The following CDH6 variants were observed in gnomAD, a reference collection of about 807,000 sequenced individuals.
CDH6 encodes the protein cadherin 6.
In CDH6, 31 loss-of-function variants were observed where a neutral mutation model predicts 78.0. That is an observed-to-expected ratio of 0.40 (90% CI 0.30 to 0.54). The LOEUF is 0.54. CDH6 is among the 20% of genes least tolerant of loss of function. The pLI is 0.56. For synonymous variants in CDH6, 376 were observed against 368.8 expected, an observed-to-expected ratio of 1.02 and a Z score of -0.23; for missense variants, 724 against 975.9, an observed-to-expected ratio of 0.74 and a Z score of 3.44.
intron 1 of CDH6, among the ~76,000 whole-genome samples, chr5:31,196,137 G>A (rs1236853519): frequency 6.6e-5 from 10 of 152,108 alleles, no homozygotes; most frequent in Admixed American, 5.2e-4. Context: ...ATCAAAAAAC[G>A]TGTACCCTAC....
intron 1 of CDH6, among the ~76,000 whole-genome samples, chr5:31,225,279 C>T (rs547707470): frequency 6.6e-6 from 1 of 152,294 alleles, no homozygotes; most frequent in South Asian, 2.1e-4. Flanking sequence ...ACTGCATCAA[C>T]GCAGAGGGCT....
At chr5:31,200,512 A>G (rs1326403633) in intron 1 of CDH6, among the ~76,000 whole-genome samples, 1 of 151,740 alleles carries the variant, frequency 6.6e-6, no homozygotes, top group Non-Finnish European at 1.5e-5. Flanking sequence ...CTTCATTACT[A>G]TCACAATTTG....
In CDH6 at chr5:31,325,942, G is replaced by A. The variant is rs561149436; in HGVS notation, c.*2634G>A. 8.6e-6 allele frequency: 2 copies of A among 232,272 alleles called. No homozygotes were observed. The highest frequency in any genetic ancestry group is 3.6e-4 in the South Asian group (2 of 5,514). The allele number at this position is 232,272 out of a possible 1,614,324, so 14.4% of individuals were successfully genotyped here. A position where few individuals can be genotyped will look rare whatever the true frequency, so the allele number is the denominator to read the frequency against. On this transcript the variant is annotated 3_prime_UTR_variant, in exon 12 of 12. Coordinates refer to ENST00000265071, the MANE Select transcript of CDH6 (RefSeq NM_004932.4). ...CATCGTGGAACCAATAAGAGTCATAGTTCCATCATTCTCCAGCTTCGTCTC... is the reference window on the plus strand; with the variant it reads ...CATCGTGGAACCAATAAGAGTCATAATTCCATCATTCTCCAGCTTCGTCTC...
intron 1 of CDH6, among the ~76,000 whole-genome samples, chr5:31,205,504 C>A (rs545830360): frequency 6.6e-6 from 1 of 152,316 alleles, no homozygotes; most frequent in South Asian, 2.1e-4. Context: ...CCTTCCTAAG[C>A]AGATTAGCAG....
At chr5:31,267,889 G>A (rs372957686) in intron 2 of CDH6, among the ~76,000 whole-genome samples, 188 bp downstream of exon 2, 12 of 151,932 alleles carry the variant, frequency 7.9e-5, no homozygotes, top group East Asian at 7.7e-4. Context: ...AGAAATGTTA[G>A]CCCTGCAACA....
chr5:31,301,252 G>A (rs1737756021), intron 5 of CDH6, among the ~76,000 whole-genome samples: 2 of 152,190 alleles, frequency 1.3e-5, no homozygotes, highest in Non-Finnish European at 2.9e-5. Flanking sequence ...TTTTAGTAGT[G>A]CCATAGACTG....
chr5:31,208,379 C>T lies in CDH6; in HGVS notation c.-129+14493C>T, dbSNP rs1740598332. On this transcript the variant is annotated intron_variant, in intron 1 of 11. Coordinates refer to ENST00000265071, the MANE Select transcript of CDH6 (RefSeq NM_004932.4). The stretch of plus-strand genomic sequence containing the variant: ...CCACGAGGGGTTTTAGACCCTGGAC[C>T]CCGGACATCCTCCAAGGATCTTTTA... Among the ~76,000 whole-genome samples the T allele has an allele frequency of 2.0e-5, 3 of 152,182 alleles. No homozygotes were observed. The South Asian group carries it at 6.2e-4, about 32-fold the overall frequency.
chr5:31,227,071 C>T (rs1454571312), intron 1 of CDH6, among the ~76,000 whole-genome samples: 1 of 152,160 alleles, frequency 6.6e-6, no homozygotes, highest in African/African-American at 2.4e-5. Context: ...CAGACACACT[C>T]CTCTTAAAAC....
At chr5:31,228,766 G>A (rs983053331) in intron 1 of CDH6, among the ~76,000 whole-genome samples, 11 of 152,262 alleles carry the variant, frequency 7.2e-5, no homozygotes, top group African/African-American at 1.9e-4. Context: ...TACAGGAGGC[G>A]GAGCTCAGGC....
chr5:31,302,782 G>A (rs867223878), intron 6 of CDH6, among the ~76,000 whole-genome samples: 11 of 56,972 alleles, frequency 1.9e-4, no homozygotes, highest in South Asian at 6.4e-4. Flanking sequence ...AGAAGAAAGA[G>A]AGAGAGAGAG....
chr5:31,250,798 C>T (rs1741888204), intron 1 of CDH6: 1 of 153,068 alleles, frequency 6.5e-6, no homozygotes, highest in Admixed American at 6.5e-5. Context: ...TAGCGGGCAC[C>T]ACCAGCTGCA....
At chr5:31,316,400 T>C (rs1738325051) in intron 9 of CDH6, 71 bp downstream of exon 9, 1 of 1,335,812 alleles carries the variant, frequency 7.5e-7, no homozygotes, top group South Asian at 1.3e-5. Flanking sequence ...ATTCAGATGA[T>C]TCACAGAGCT....
intron 1 of CDH6, among the ~76,000 whole-genome samples, chr5:31,216,749 T>G (rs758485778): frequency 6.7e-6 from 1 of 150,196 alleles, no homozygotes; most frequent in Admixed American, 6.6e-5. Flanking sequence ...AAAAAATTCA[T>G]TGGGAAGTCA....
rs1323074180 is a variant in CDH6, at chr5:31,326,265, A to C, written c.*2957A>C. On this transcript the variant is annotated 3_prime_UTR_variant, in exon 12 of 12. Coordinates refer to ENST00000265071, the MANE Select transcript of CDH6 (RefSeq NM_004932.4). ...AGGACATTGAGAGCTTTCTGATGAT[A>C]TGTTTTTGCCCTCTATTCAAAAGCA... The C allele has an allele frequency of 9.2e-6, 2 of 217,604 alleles. No homozygotes were observed. The highest frequency in any genetic ancestry group is 4.5e-5 in the African/African-American group (2 of 44,522). 13.5% of individuals were successfully genotyped at this position (217,604 alleles called of 1,614,324 possible). A position where few individuals can be genotyped will look rare whatever the true frequency, so the allele number is the denominator to read the frequency against.
At chr5:31,196,782 G>A (rs1740180600) in intron 1 of CDH6, among the ~76,000 whole-genome samples, 1 of 151,970 alleles carries the variant, frequency 6.6e-6, no homozygotes, top group African/African-American at 2.4e-5. Flanking sequence ...GGTAACTGCT[G>A]GATGATTCCA....
chr5:31,324,546 G>A lies in CDH6; in HGVS notation c.*1238G>A, dbSNP rs972186720. On this transcript the variant is annotated 3_prime_UTR_variant, in exon 12 of 12. Coordinates refer to ENST00000265071, the MANE Select transcript of CDH6 (RefSeq NM_004932.4). ...AAATTGGATTCCCTTAAACAAAAGT[G>A]TTTAAGATTGTAATTAAAATGATAG... is the stretch of plus-strand genomic sequence containing the variant. The A allele has an allele frequency of 4.8e-6, 1 of 210,104 alleles. No homozygotes were observed. The allele number at this position is 210,104 out of a possible 1,614,324, so 13.0% of individuals were successfully genotyped here.
intron 6 of CDH6, among the ~76,000 whole-genome samples, chr5:31,302,958 G>GGAA (rs1737866320): frequency 1.9e-5 from 2 of 106,098 alleles, no homozygotes; most frequent in Admixed American, 1.8e-4. Context: ...AAAGAAAGAA[G>GGAA]GAAAGAAAAG....
intron 2 of CDH6, among the ~76,000 whole-genome samples, chr5:31,275,830 T>C (rs1742674218): frequency 6.6e-6 from 1 of 152,216 alleles, no homozygotes; most frequent in African/African-American, 2.4e-5. Context: ...AAGCCAAGAA[T>C]ACATTGTAAC....
rs994288757 is a variant in CDH6, at chr5:31,313,253, G to A, written c.1254-65G>A. ...TGATGTGTACCAGATGTTTTATGAT[G>A]TTCTATGATGTGAGAATAGGAAATA... is the stretch of plus-strand genomic sequence containing the variant. On this transcript the variant is annotated intron_variant, in intron 7 of 11. Transcript: ENST00000265071. The A allele has an allele frequency of 2.6e-5, 38 of 1,435,934 alleles. No homozygotes were observed. In the Admixed American group the frequency reaches 4.9e-4, roughly 19 times the overall value. The allele number at this position is 1,435,934 out of a possible 1,614,324, so 88.9% of individuals were successfully genotyped here. A position where few individuals can be genotyped will look rare whatever the true frequency, so the allele number is the denominator to read the frequency against.
Sources: allele counts gnomAD v4.1 joint callset (sites outside exome capture counted in the v4.1 genomes callset), GRCh38; gene constraint gnomAD v4.1.1; transcripts MANE v1.5; gene names NCBI Gene and HGNC (gene_info 2026-07-23, HGNC 2026-07-21).